Variants in MTMR7 observed in about 807,000 individuals in gnomAD.
The protein encoded by MTMR7 is phosphatidylinositol-3-phosphate phosphatase MTMR7.
Under a neutral mutation model 81.2 loss-of-function variants are expected in MTMR7, and 76 were observed. That is an observed-to-expected ratio of 0.94 (90% CI 0.78 to 1.13). The LOEUF is 1.13. Ranked by LOEUF, MTMR7 falls within the 50% of genes most tolerant of loss-of-function variation. The pLI is 0.00. For missense variants in MTMR7, 1,044 were observed against 820.0 expected, an observed-to-expected ratio of 1.27 and a Z score of -3.34; for synonymous variants, 372 against 289.8, an observed-to-expected ratio of 1.28 and a Z score of -2.88.
intron 1 of MTMR7, among the ~76,000 whole-genome samples, chr8:17,379,299 C>A (rs1820689022): frequency 6.6e-6 from 1 of 152,084 alleles, no homozygotes; most frequent in South Asian, 2.1e-4. Context: ...CCACTCTTTG[C>A]CAAAGTGGGG....
chr8:17,346,444 C>G (rs925694171), intron 5 of MTMR7, among the ~76,000 whole-genome samples: 1 of 152,096 alleles, frequency 6.6e-6, no homozygotes. Flanking sequence ...CTCTTAAGCT[C>G]TAACTATGCT....
At chr8:17,390,783 C>A (rs559529880) in intron 1 of MTMR7, among the ~76,000 whole-genome samples, 17 of 152,042 alleles carry the variant, frequency 1.1e-4, no homozygotes, top group Non-Finnish European at 2.4e-4. Context: ...GGGGAAGAGC[C>A]CCTTATGAAA....
intron 6 of MTMR7, among the ~76,000 whole-genome samples, chr8:17,340,782 G>A (rs565902795): frequency 5.0e-4 from 76 of 152,162 alleles, no homozygotes; most frequent in East Asian, 2.7e-3. Flanking sequence ...CTCTACGTCC[G>A]CAAATCCTAC....
chr8:17,336,698 A>G (rs969801927), intron 6 of MTMR7, among the ~76,000 whole-genome samples: 2 of 152,222 alleles, frequency 1.3e-5, no homozygotes, highest in African/African-American at 2.4e-5. Context: ...GCCAGGCGTC[A>G]CGGAGGCAAG....
At chr8:17,387,795 C>T (rs1820995798) in intron 1 of MTMR7, among the ~76,000 whole-genome samples, 1 of 152,060 alleles carries the variant, frequency 6.6e-6, no homozygotes, top group Non-Finnish European at 1.5e-5. Flanking sequence ...ATAAATCACC[C>T]AAACTTCCTA....
chr8:17,378,421 GGGCACCATCTTGAAGACC>G (rs1394372038), intron 1 of MTMR7, among the ~76,000 whole-genome samples: 4 of 152,166 alleles, frequency 2.6e-5, no homozygotes, highest in African/African-American at 9.7e-5. Context: ...TTCAGAGTTT[GGGCACCATCTTGAAGACC>G]CACTGACTCA....
intron 4 of MTMR7, among the ~76,000 whole-genome samples, chr8:17,360,683 G>A (rs1820032947): frequency 1.3e-5 from 2 of 151,888 alleles, no homozygotes; most frequent in Non-Finnish European, 2.9e-5. Flanking sequence ...GAAGCCTCTT[G>A]GTGACCTTGT....
chr8:17,299,688 CTCTTCAGTA>C lies in MTMR7; in HGVS notation c.*165_*173del. 1.3e-6 allele frequency: 1 copy of C among 780,208 alleles called. No individual in the cohort carries two copies. The highest frequency in any genetic ancestry group is 2.0e-6 in the Non-Finnish European group (1 of 497,036). The allele number at this position is 780,208 out of a possible 1,614,324, so 48.3% of individuals were successfully genotyped here. On this transcript the variant is annotated 3_prime_UTR_variant, in exon 14 of 14. Transcript: ENST00000180173. ...ATTTGATAAATGAAATGACTACGTCCTCTTCAGTATCTAAGAAATCAAGAACTGGGCACT... is the reference window on the plus strand; with the variant it reads ...ATTTGATAAATGAAATGACTACGTCCTCTAAGAAATCAAGAACTGGGCACT...
intron 4 of MTMR7, among the ~76,000 whole-genome samples, chr8:17,352,292 G>A (rs1220438347): frequency 6.6e-6 from 1 of 152,134 alleles, no homozygotes; most frequent in Non-Finnish European, 1.5e-5. Context: ...AAACCCTCAT[G>A]TATATGGTCA....
chr8:17,404,635 C>G (rs1821524951), intron 1 of MTMR7, among the ~76,000 whole-genome samples: 2 of 152,106 alleles, frequency 1.3e-5, no homozygotes, highest in African/African-American at 4.8e-5. Context: ...CTCTGCCATA[C>G]TAGCAGACAC....
chr8:17,375,511 G>A (rs1401157304), intron 1 of MTMR7, among the ~76,000 whole-genome samples: 2 of 131,700 alleles, frequency 1.5e-5, no homozygotes, highest in Admixed American at 7.7e-5. Context: ...GAATTCTTTT[G>A]TTACTGATAT....
chr8:17,413,118 G>C, intron 1 of MTMR7, 151 bp downstream of exon 1: 1 of 868,920 alleles, frequency 1.2e-6, no homozygotes, highest in Non-Finnish European at 1.8e-6. Context: ...AGGCACCCCG[G>C]GATGCTCAGG....
chr8:17,328,282 C>T (rs1019379229), intron 7 of MTMR7, among the ~76,000 whole-genome samples: 6 of 152,152 alleles, frequency 3.9e-5, no homozygotes, highest in Non-Finnish European at 8.8e-5. Flanking sequence ...GCAAGTAACT[C>T]CATACACCTT....
At chr8:17,356,372 T>C (rs991249471) in intron 4 of MTMR7, among the ~76,000 whole-genome samples, 1 of 152,112 alleles carries the variant, frequency 6.6e-6, no homozygotes, top group African/African-American at 2.4e-5. Flanking sequence ...TTGGGTTTCT[T>C]CTAATATTTA....
At chr8:17,398,932 G>C (rs950383117) in intron 1 of MTMR7, among the ~76,000 whole-genome samples, 1 of 152,110 alleles carries the variant, frequency 6.6e-6, no homozygotes, top group Non-Finnish European at 1.5e-5. Context: ...GATAGTATTT[G>C]CAAGCCTCTG....
intron 13 of MTMR7, among the ~76,000 whole-genome samples, chr8:17,301,052 A>C (rs1817077782): frequency 6.6e-6 from 1 of 152,146 alleles, no homozygotes; most frequent in African/African-American, 2.4e-5. Context: ...TTCAGAATAC[A>C]TTTCGCCAGA....
At chr8:17,337,833 G>A (rs899497812) in intron 6 of MTMR7, among the ~76,000 whole-genome samples, 8 of 152,096 alleles carry the variant, frequency 5.3e-5, no homozygotes, top group Admixed American at 6.5e-5. Flanking sequence ...TGCCCAGGCT[G>A]GTGTCTCCCA....
chr8:17,310,645 T>G (rs542222535), intron 9 of MTMR7, among the ~76,000 whole-genome samples: 4 of 152,126 alleles, frequency 2.6e-5, no homozygotes, highest in African/African-American at 9.7e-5. Flanking sequence ...TCACAGGTAA[T>G]TGGAAGTTCT....
chr8:17,398,312 G>A (rs1339989097), intron 1 of MTMR7, among the ~76,000 whole-genome samples: 1 of 152,138 alleles, frequency 6.6e-6, no homozygotes, highest in African/African-American at 2.4e-5. Context: ...CACAGGGAAG[G>A]AACTCAAAAT....
Sources: gnomAD v4.1 joint callset for allele counts (sites outside exome capture counted in the v4.1 genomes callset) on GRCh38, gnomAD v4.1.1 for gene constraint, MANE v1.5 for transcripts, NCBI Gene and HGNC (gene_info 2026-07-23, HGNC 2026-07-21) for gene names.